Variants in NELL1 observed in about 807,000 individuals in gnomAD.
NELL1 encodes the protein neural EGFL like 1.
Under a neutral mutation model 107.4 loss-of-function variants are expected in NELL1, and 76 were observed. The ratio of observed to expected loss-of-function variants is 0.71; its 90% CI spans 0.59 to 0.86. The LOEUF (loss-of-function observed/expected upper bound fraction) is 0.86, where lower values mean the gene tolerates loss of function less well. Ranked by LOEUF, NELL1 falls within the 40% of genes least tolerant of loss-of-function variation. NELL1 has a pLI of 0.00. For synonymous variants in NELL1, 353 were observed against 341.2 expected (o/e 1.03, Z -0.38); for missense variants, 1,024 against 1,005.5 (o/e 1.02, Z -0.25).
chr11:20,894,829 A>C (rs1219016588), intron 5 of NELL1, among the ~76,000 whole-genome samples: 1 of 152,216 alleles, frequency 6.6e-6, no homozygotes, highest in Non-Finnish European at 1.5e-5. Flanking sequence ...AGAATTTTTA[A>C]GATTTGCATA....
At chr11:20,836,514 C>A (rs1020404519) in intron 3 of NELL1, among the ~76,000 whole-genome samples, 4 of 152,006 alleles carry the variant, frequency 2.6e-5, no homozygotes, top group African/African-American at 9.7e-5. Context: ...GCAACCAAGT[C>A]CTTCAATAAG....
intron 2 of NELL1, among the ~76,000 whole-genome samples, chr11:20,680,355 T>C (rs947898195): frequency 1.3e-5 from 2 of 152,074 alleles, no homozygotes; most frequent in African/African-American, 4.8e-5. Context: ...AAAGTCTTAA[T>C]CCATCATAGC....
rs1385060999 is a variant in NELL1, at chr11:21,217,816, A to G, written c.1427-11516A>G. Among the ~76,000 whole-genome samples, 3 of 152,272 alleles carry G rather than the reference A, an allele frequency of 2.0e-5. No homozygotes were observed. In the East Asian group the frequency reaches 5.8e-4, roughly 29 times the overall value. ...TGGGGCATTTGTAGCCACAGTAGAAATGTTTGTCAGGTAGTCGTTTGGGTC... is the reference window on the plus strand; with the variant it reads ...TGGGGCATTTGTAGCCACAGTAGAAGTGTTTGTCAGGTAGTCGTTTGGGTC... On this transcript the variant is annotated intron_variant, in intron 13 of 19. Transcript: ENST00000357134.
intron 2 of NELL1, among the ~76,000 whole-genome samples, chr11:20,778,498 CTTT>C (rs1161737750): frequency 0.21 from 14,954 of 71,868 alleles, 782 homozygotes; most frequent in African/African-American, 0.32. Context: ...TCACCCAGCA[CTTT>C]TTTTTTTTTT....
chr11:21,402,214 G>T (rs375301785), intron 15 of NELL1, among the ~76,000 whole-genome samples: 1 of 151,746 alleles, frequency 6.6e-6, no homozygotes, highest in Non-Finnish European at 1.5e-5. Context: ...TTATCCAGAT[G>T]AAGTTTGACA....
intron 2 of NELL1, among the ~76,000 whole-genome samples, chr11:20,763,734 C>T (rs1856472209): frequency 1.3e-5 from 2 of 152,220 alleles, no homozygotes; most frequent in Non-Finnish European, 2.9e-5. Context: ...TACAGTGACA[C>T]CTGTAACTCA....
At chr11:20,724,011 C>A (rs1262172335) in intron 2 of NELL1, among the ~76,000 whole-genome samples, 2 of 149,320 alleles carry the variant, frequency 1.3e-5, no homozygotes, top group Non-Finnish European at 3.0e-5. Flanking sequence ...GCTGGAGCAG[C>A]TGGAAGGCAG....
intron 15 of NELL1, among the ~76,000 whole-genome samples, chr11:21,526,375 G>A (rs574328141): frequency 6.6e-6 from 1 of 152,338 alleles, no homozygotes; most frequent in African/African-American, 2.4e-5. Flanking sequence ...TCAAGGGTTG[G>A]CATTGAGTGT....
At chr11:20,986,339 C>T (rs1488940147) in intron 12 of NELL1, among the ~76,000 whole-genome samples, 1 of 152,192 alleles carries the variant, frequency 6.6e-6, no homozygotes, top group Non-Finnish European at 1.5e-5. Context: ...TGCCCATGTT[C>T]CAGATGTGGA....
At chr11:20,993,843 G>A (rs1243166561) in intron 12 of NELL1, among the ~76,000 whole-genome samples, 1 of 151,412 alleles carries the variant, frequency 6.6e-6, no homozygotes, top group East Asian at 1.9e-4. Context: ...ATGGATCGGG[G>A]GATGGGGGAC....
At chr11:21,263,230 G>T (rs941813596) in intron 14 of NELL1, among the ~76,000 whole-genome samples, 1 of 151,848 alleles carries the variant, frequency 6.6e-6, no homozygotes, top group Admixed American at 6.6e-5. Flanking sequence ...TGTCTTTTAT[G>T]TTAGAAGCCT....
chr11:21,371,018 G>A, intron 15 of NELL1, 70 bp downstream of exon 15: 1 of 1,144,804 alleles, frequency 8.7e-7, no homozygotes. Context: ...AAGAATAACA[G>A]CTCTTTCTTT....
At chr11:20,787,777 T>C (rs1856997253) in intron 3 of NELL1, among the ~76,000 whole-genome samples, 1 of 152,214 alleles carries the variant, frequency 6.6e-6, no homozygotes, top group African/African-American at 2.4e-5. Flanking sequence ...AATCACAGAA[T>C]TGTGCATTCA....
At chr11:21,104,066 C>A (rs1422367070) in intron 12 of NELL1, among the ~76,000 whole-genome samples, 1 of 152,102 alleles carries the variant, frequency 6.6e-6, no homozygotes, top group East Asian at 1.9e-4. Context: ...ACGATAGTAG[C>A]TTTTACATTT....
intron 15 of NELL1, among the ~76,000 whole-genome samples, chr11:21,411,097 A>G (rs1852366163): frequency 6.6e-6 from 1 of 152,088 alleles, no homozygotes; most frequent in African/African-American, 2.4e-5. Context: ...CAAGGGAGAT[A>G]TAGCACTTTT....
chr11:20,862,417 G>C (rs1453972665), intron 4 of NELL1, among the ~76,000 whole-genome samples: 1 of 152,066 alleles, frequency 6.6e-6, no homozygotes, highest in Non-Finnish European at 1.5e-5. Context: ...AAGCACAAGA[G>C]TGGTACTTTG....
chr11:21,252,128 A>G (rs1382689652), intron 14 of NELL1, among the ~76,000 whole-genome samples: 3 of 152,176 alleles, frequency 2.0e-5, no homozygotes, highest in Non-Finnish European at 2.9e-5. Flanking sequence ...GAGACAACAG[A>G]GACTTAGTAG....
At chr11:21,024,379 G>C (rs959708610) in intron 12 of NELL1, among the ~76,000 whole-genome samples, 2 of 152,090 alleles carry the variant, frequency 1.3e-5, no homozygotes, top group Admixed American at 6.6e-5. Context: ...TTGAAAATCT[G>C]TCAGTATTTT....
At chr11:21,051,265 TAAGTG>T (rs1853486263) in intron 12 of NELL1, among the ~76,000 whole-genome samples, 1 of 152,142 alleles carries the variant, frequency 6.6e-6, no homozygotes, top group African/African-American at 2.4e-5. Flanking sequence ...CCATTATTCT[TAAGTG>T]AAGTAACTCA....
Sources: allele counts gnomAD v4.1 joint callset (sites outside exome capture counted in the v4.1 genomes callset), GRCh38; gene constraint gnomAD v4.1.1; transcripts MANE v1.5; gene names NCBI Gene and HGNC (gene_info 2026-07-23, HGNC 2026-07-21).